The following AFF3 variants were observed in gnomAD, a reference collection of about 807,000 sequenced individuals.
The protein encoded by AFF3 is ALF transcription elongation factor 3.
In AFF3, 32 loss-of-function variants were observed where a neutral mutation model predicts 129.7. The ratio of observed to expected loss-of-function variants is 0.25; its 90% CI spans 0.19 to 0.33. AFF3 has a LOEUF of 0.33. Among genes scored for constraint, AFF3 ranks in the 10% least tolerant of loss-of-function variants. The probability of loss-of-function intolerance (pLI) is 1.00; values close to 1 mark genes in which losing one functional copy is unlikely to be tolerated. For missense variants in AFF3, 1,373 were observed against 1,592.0 expected, an observed-to-expected ratio of 0.86 and a Z score of 2.34; for synonymous variants, 644 against 635.4, an observed-to-expected ratio of 1.01 and a Z score of -0.20.
At position 99,886,341 on chromosome 2, in the gene AFF3, T is replaced by C. The variant is rs375950949; in HGVS notation, c.874-48817A>G. ...TGGGGAACCTTGTCTTTAAATGGAC[T>C]GGCCTTAGCCTGTCCCAACATACAC... On this transcript the variant is annotated intron_variant, in intron 7 of 24. Transcript: ENST00000672756. Among the ~76,000 whole-genome samples the C allele has an allele frequency of 3.9e-5, 6 of 152,298 alleles. No homozygotes were observed. The East Asian group carries it at 7.7e-4, about 20-fold the overall frequency.
intron 8 of AFF3, among the ~76,000 whole-genome samples, chr2:99,823,014 C>T (rs953020185): frequency 1.3e-5 from 2 of 152,160 alleles, no homozygotes; most frequent in Non-Finnish European, 2.9e-5. Flanking sequence ...TCCTCCTCTT[C>T]ACTGCACTGT....
Position 99,707,683 on chromosome 2 carries a change from T to A in AFF3, c.1091+19394A>T. 6 of 980,898 alleles carry A rather than the reference T, an allele frequency of 6.1e-6. No individual in the cohort carries two copies. In the South Asian group the frequency reaches 2.8e-4, roughly 46 times the overall value. The allele number at this position is 980,898 out of a possible 1,614,324, so 60.8% of individuals were successfully genotyped here. On this transcript the variant is annotated intron_variant, in intron 11 of 24. Coordinates refer to ENST00000672756, the MANE Select transcript of AFF3 (RefSeq NM_001386135.1). The stretch of plus-strand genomic sequence containing the variant: ...CTGGAAGAGCTTTGGTATTTAGATG[T>A]TAATAGGATGCCTGCCTTTTTTTTT...
chr2:100,126,941 T>C (rs1230233412), intron 2 of AFF3, among the ~76,000 whole-genome samples: 1 of 152,202 alleles, frequency 6.6e-6, no homozygotes, highest in African/African-American at 2.4e-5. Flanking sequence ...TTGTTTAAAG[T>C]CTAAGATGGA....
At chr2:99,672,231 C>CACACA (rs1687229860) in intron 12 of AFF3, among the ~76,000 whole-genome samples, 1 of 27,468 alleles carries the variant, frequency 3.6e-5, no homozygotes, top group Non-Finnish European at 6.2e-5. Context: ...CACACACACA[C>CACACA]ATGAATAAAT....
intron 7 of AFF3, among the ~76,000 whole-genome samples, chr2:99,927,642 C>G (rs1028875444): frequency 3.9e-5 from 6 of 152,070 alleles, no homozygotes; most frequent in Admixed American, 1.3e-4. Flanking sequence ...AGGCTTAACA[C>G]CAGGGTGATT....
intron 7 of AFF3, among the ~76,000 whole-genome samples, chr2:99,861,681 T>C (rs1485739583): frequency 6.6e-6 from 1 of 152,208 alleles, no homozygotes; most frequent in Non-Finnish European, 1.5e-5. Flanking sequence ...AGAATGGACA[T>C]AATTAATGTA....
At chr2:99,625,976 G>C (rs2105343275) in intron 13 of AFF3, among the ~76,000 whole-genome samples, 1 of 152,264 alleles carries the variant, frequency 6.6e-6, no homozygotes, top group East Asian at 1.9e-4. Context: ...GAAAAGATTA[G>C]AATTTCTATA....
intron 4 of AFF3, among the ~76,000 whole-genome samples, chr2:100,015,077 T>C (rs1682900305): frequency 6.6e-6 from 1 of 151,766 alleles, no homozygotes; most frequent in South Asian, 2.1e-4. Flanking sequence ...GTGCTGGAAT[T>C]ACAGGCGTGA....
At chr2:100,004,662 T>C (rs1408576533) in intron 7 of AFF3, among the ~76,000 whole-genome samples, 1 of 152,168 alleles carries the variant, frequency 6.6e-6, no homozygotes, top group African/African-American at 2.4e-5. Context: ...AATCTTCTCT[T>C]GGAATACTGT....
At chr2:100,001,907 G>C (rs943084080) in intron 7 of AFF3, among the ~76,000 whole-genome samples, 1 of 152,214 alleles carries the variant, frequency 6.6e-6, no homozygotes, top group Non-Finnish European at 1.5e-5. Context: ...TCGGGTATAC[G>C]CAGTACAGGC....
chr2:99,727,999 C>T (rs1679501336), intron 10 of AFF3, among the ~76,000 whole-genome samples: 1 of 152,140 alleles, frequency 6.6e-6, no homozygotes, highest in African/African-American at 2.4e-5. Context: ...AACCAGAAAT[C>T]CTTTCTGACC....
intron 7 of AFF3, among the ~76,000 whole-genome samples, chr2:99,865,510 C>T (rs1691325396): frequency 6.6e-6 from 1 of 152,106 alleles, no homozygotes; most frequent in Admixed American, 6.5e-5. Flanking sequence ...GCTGGATGGA[C>T]CAACCCAGCA....
At position 99,832,189 on chromosome 2, in the gene AFF3, T is replaced by C. The variant is rs182427351; in HGVS notation, c.921+5288A>G. On this transcript the variant is annotated intron_variant, in intron 8 of 24. Coordinates refer to ENST00000672756, the MANE Select transcript of AFF3 (RefSeq NM_001386135.1). The stretch of plus-strand genomic sequence containing the variant: ...GGGCAGAAGTTATAATCTCACAGAC[T>C]TTTAGATGCTTGGGCTGCTAACATG... 3.1e-3 allele frequency among the ~76,000 whole-genome samples: 473 copies of C among 152,356 alleles called. 3 individuals are homozygous for C. The highest frequency in any genetic ancestry group is 0.011 in the African/African-American group (447 of 41,580).
intron 15 of AFF3, among the ~76,000 whole-genome samples, chr2:99,589,777 C>G (rs1288882266): frequency 1.3e-5 from 2 of 152,078 alleles, no homozygotes; most frequent in Admixed American, 1.3e-4. Flanking sequence ...CTGAGGAGGC[C>G]AAGGACCATA....
chr2:99,787,501 C>G (rs769894511), intron 8 of AFF3, among the ~76,000 whole-genome samples: 1 of 152,236 alleles, frequency 6.6e-6, no homozygotes, highest in Non-Finnish European at 1.5e-5. Flanking sequence ...GATGTGCCCC[C>G]TGCCCAGCTG....
chr2:99,558,205 G>T (rs1675128424), intron 22 of AFF3, among the ~76,000 whole-genome samples: 1 of 152,206 alleles, frequency 6.6e-6, no homozygotes, highest in South Asian at 2.1e-4. Flanking sequence ...ATGGCTCTAA[G>T]GGGTTACTTC....
At chr2:100,039,234 ACCTGATGT>A (rs1685224403) in intron 4 of AFF3, among the ~76,000 whole-genome samples, 1 of 152,080 alleles carries the variant, frequency 6.6e-6, no homozygotes, top group African/African-American at 2.4e-5. Context: ...TTTCTACCAG[ACCTGATGT>A]CCAGAATTTT....
chr2:99,791,729 A>G (rs976318197), intron 8 of AFF3, among the ~76,000 whole-genome samples: 2 of 152,214 alleles, frequency 1.3e-5, no homozygotes, highest in African/African-American at 2.4e-5. Flanking sequence ...TTTCCAGACA[A>G]GGCTGAAAAA....
intron 11 of AFF3, among the ~76,000 whole-genome samples, chr2:99,710,183 C>T (rs945334857): frequency 5.3e-5 from 8 of 152,212 alleles, no homozygotes; most frequent in Admixed American, 2.0e-4. Context: ...ATTGTCCCTG[C>T]AGAATTGTTA....
Sources: gnomAD v4.1 joint callset for allele counts (sites outside exome capture counted in the v4.1 genomes callset) on GRCh38, gnomAD v4.1.1 for gene constraint, MANE v1.5 for transcripts, NCBI Gene and HGNC (gene_info 2026-07-23, HGNC 2026-07-21) for gene names.